Variants in WDPCP observed in about 807,000 individuals in gnomAD.
WDPCP encodes the protein WD repeat-containing and planar cell polarity effector protein fritz homolog.
In WDPCP, 71 loss-of-function variants were observed where a neutral mutation model predicts 93.1. The observed-to-expected ratio is 0.76, with a 90% CI of 0.63 to 0.93. The LOEUF is 0.93. WDPCP is among the 40% of genes least tolerant of loss of function. The pLI, the probability that WDPCP is intolerant of heterozygous loss-of-function variation, is 0.00. For synonymous variants in WDPCP, 315 were observed against 315.0 expected (o/e 1.00, Z 0.00); for missense variants, 844 against 887.4 (o/e 0.95, Z 0.62).
At chr2:63,757,934 T>C (rs943121884) in intron 2 of WDPCP, among the ~76,000 whole-genome samples, 1 of 152,184 alleles carries the variant, frequency 6.6e-6, no homozygotes, top group East Asian at 1.9e-4. Flanking sequence ...TAAATATTTA[T>C]TGTGATCAAG....
At chr2:63,403,768 A>C in intron 10 of WDPCP, 1 of 340,026 alleles carries the variant, frequency 2.9e-6, no homozygotes, top group Non-Finnish European at 5.4e-6. Flanking sequence ...GGAATTATTT[A>C]GTAGTGTAGT....
intron 9 of WDPCP, among the ~76,000 whole-genome samples, chr2:63,422,705 A>T (rs1285660399): frequency 6.6e-6 from 1 of 152,232 alleles, no homozygotes; most frequent in Admixed American, 6.5e-5. Context: ...AGAAAATATG[A>T]AATTATGTGC....
rs118167035 is a variant in WDPCP, at chr2:63,556,500, G to A, written c.75+31697C>T. 8.6e-4 allele frequency among the ~76,000 whole-genome samples: 131 copies of A among 152,266 alleles called. 3 individuals carry two copies. The East Asian group carries it at 0.024, about 28-fold the overall frequency. ...TTCAAATTTAGCCTCTTTGCATTGG[G>A]TTGGAACATGCTCCTTTAGCTCAGT... On this transcript the variant is annotated intron_variant, in intron 1 of 17. Coordinates refer to ENST00000272321, the MANE Select transcript of WDPCP (RefSeq NM_015910.7).
chr2:63,587,047 T>C (rs913923735), intron 1 of WDPCP, among the ~76,000 whole-genome samples: 3 of 152,230 alleles, frequency 2.0e-5, no homozygotes, highest in Non-Finnish European at 2.9e-5. Flanking sequence ...ATCTTTCTGT[T>C]AGCAGCTAGT....
At chr2:63,290,018 T>C (rs958240595) in intron 13 of WDPCP, among the ~76,000 whole-genome samples, 5 of 151,804 alleles carry the variant, frequency 3.3e-5, no homozygotes, top group Non-Finnish European at 5.9e-5. Context: ...TTATCCAGTC[T>C]GACAATCTCT....
chr2:63,224,582 G>GA (rs1678120198), intron 14 of WDPCP, among the ~76,000 whole-genome samples: 1 of 151,948 alleles, frequency 6.6e-6, no homozygotes. Context: ...ATCAAGCAAT[G>GA]AAAAAAACAT....
intron 1 of WDPCP, chr2:63,564,536 G>A (rs1054079441): frequency 2.0e-5 from 3 of 152,092 alleles, no homozygotes; most frequent in African/African-American, 7.2e-5. Context: ...CAGGAAGTGA[G>A]TTTTCTTGTT....
chr2:63,529,797 A>G (rs1703675664), intron 1 of WDPCP, among the ~76,000 whole-genome samples: 1 of 152,196 alleles, frequency 6.6e-6, no homozygotes, highest in Admixed American at 6.5e-5. Flanking sequence ...TGTATCTCTC[A>G]TAGAATTCGG....
In WDPCP at chr2:63,573,527, G is replaced by A. The variant is rs538191421; in HGVS notation, c.75+14670C>T. Among the ~76,000 whole-genome samples, 4 of 152,282 alleles carry A rather than the reference G, an allele frequency of 2.6e-5. No homozygotes were observed. The South Asian group carries it at 8.3e-4, about 32-fold the overall frequency. On this transcript the variant is annotated intron_variant, in intron 1 of 17. Transcript: ENST00000272321. ...AATACCCTTGTGATTTCCTATGCCC[G>A]TTTTTACTTTAATCTCTTAATTCCA...
intron 2 of WDPCP, among the ~76,000 whole-genome samples, chr2:63,721,951 C>T (rs1221096956): frequency 2.6e-5 from 4 of 152,164 alleles, no homozygotes; most frequent in African/African-American, 9.7e-5. Context: ...GGCCGGTCTC[C>T]AGCCCCTAAC....
rs149444310 is a variant in WDPCP at position 63,428,528 on chromosome 2, C to T, written c.825+5217G>A. The stretch of plus-strand genomic sequence containing the variant: ...ATGCAGAAAAGGCTTTCAATACAAT[C>T]CAACATCCTTTCACAACACCCAACA... On this transcript the variant is annotated intron_variant, in intron 9 of 17. Transcript: ENST00000272321. Among the ~76,000 whole-genome samples, 507 of 152,178 alleles carry T rather than the reference C, an allele frequency of 3.3e-3. 1 individual carries two copies. Among genetic ancestry groups the T allele is most frequent in the Non-Finnish European group, 5.4e-3 (369 of 67,960 alleles).
intron 2 of WDPCP, among the ~76,000 whole-genome samples, chr2:63,739,326 C>T (rs546700031): frequency 6.6e-6 from 1 of 152,230 alleles, no homozygotes; most frequent in South Asian, 2.1e-4. Context: ...CAGCCTCCAG[C>T]TCCATCCATG....
In WDPCP at chr2:63,603,048, CT is replaced by C. The variant is rs751146320; in HGVS notation, n.488+47610del. Among the ~76,000 whole-genome samples, 57 of 151,608 alleles carry C rather than the reference CT, an allele frequency of 3.8e-4. No individual in the cohort carries two copies. In the Middle Eastern group the frequency reaches 0.01, roughly 27 times the overall value. ...GATCTCGGCTCACTGCAACCTCCGC[CT>C]CCCAGGTTCAAGAGATTCTCCTGCC... On this transcript the variant is annotated intron_variant and non_coding_transcript_variant, in intron 3 of 4. Coordinates refer to the WDPCP transcript ENST00000467687.
At position 63,437,465 on chromosome 2, in the gene WDPCP, C is replaced by A; in HGVS notation, c.589G>T (p.Asp197Tyr). Reference protein sequence around the residue: ...IQFTKKMESSDVNKRLEKLSA... With the variant: ...IQFTKKMESSYVNKRLEKLSA... Reference sequence around the variant, plus strand: ...AGTTTTTCCAGTCTTTTGTTTACATCAGAAGACTCCATCTTCTTGGTAAAC... The same window carrying A: ...AGTTTTTCCAGTCTTTTGTTTACATAAGAAGACTCCATCTTCTTGGTAAAC... The change falls in exon 8 of 18, where the codon GAT becomes TAT. Residue 197 changes from aspartate to tyrosine, a missense_variant. Coordinates refer to ENST00000272321, the MANE Select transcript of WDPCP (RefSeq NM_015910.7). 1 of 1,603,580 alleles carries A rather than the reference C, an allele frequency of 6.2e-7. No homozygotes were observed. Among genetic ancestry groups the A allele is most frequent in the Non-Finnish European group, 8.5e-7 (1 of 1,175,148 alleles).
intron 2 of WDPCP, among the ~76,000 whole-genome samples, chr2:63,674,046 G>T (rs192218815): frequency 6.6e-6 from 1 of 152,254 alleles, no homozygotes; most frequent in East Asian, 1.9e-4. Flanking sequence ...TGTCCCCAAA[G>T]CCTCAGGCAG....
intron 3 of WDPCP, among the ~76,000 whole-genome samples, chr2:63,596,691 C>T (rs753690363): frequency 6.6e-6 from 1 of 152,128 alleles, no homozygotes; most frequent in Non-Finnish European, 1.5e-5. Flanking sequence ...GCCAATTTTC[C>T]AGTGAAAATG....
chr2:63,527,806 C>A (rs1703464528), intron 1 of WDPCP, among the ~76,000 whole-genome samples: 2 of 152,076 alleles, frequency 1.3e-5, no homozygotes. Flanking sequence ...CTGTCTTCCA[C>A]AGTGGTTGAA....
At chr2:63,464,756 AC>A (rs1699233897) in intron 6 of WDPCP, among the ~76,000 whole-genome samples, 1 of 152,114 alleles carries the variant, frequency 6.6e-6, no homozygotes, top group Non-Finnish European at 1.5e-5. Context: ...AACCTTGAGG[AC>A]ATTATGTAAG....
intron 1 of WDPCP, among the ~76,000 whole-genome samples, chr2:63,505,245 A>G (rs1701798816): frequency 6.6e-6 from 1 of 152,066 alleles, no homozygotes; most frequent in African/African-American, 2.4e-5. Context: ...CAGTGTTCGT[A>G]CTTACATAAA....
Sources: allele counts gnomAD v4.1 joint callset (sites outside exome capture counted in the v4.1 genomes callset), GRCh38; gene constraint gnomAD v4.1.1; transcripts MANE v1.5; gene names NCBI Gene and HGNC (gene_info 2026-07-23, HGNC 2026-07-21).